Variants in CRPPA observed in about 807,000 individuals in gnomAD.
CRPPA encodes CDP-L-ribitol pyrophosphorylase A.
In CRPPA, 43 loss-of-function variants were observed where a neutral mutation model predicts 52.0. The observed-to-expected ratio is 0.83, with a 90% CI of 0.65 to 1.07. The LOEUF is 1.07. CRPPA is among the 50% of genes least tolerant of loss of function. CRPPA has a pLI of 0.00. For synonymous variants in CRPPA, 250 were observed against 203.5 expected (o/e 1.23, Z -1.94); for missense variants, 629 against 551.7 (o/e 1.14, Z -1.40).
intron 3 of CRPPA, among the ~76,000 whole-genome samples, chr7:16,332,453 T>C (rs889183271): frequency 2.6e-5 from 4 of 152,172 alleles, no homozygotes; most frequent in Admixed American, 6.5e-5. Context: ...TTCTTAAATG[T>C]GTACATATAC....
At chr7:16,285,748 C>T (rs77725873) in intron 5 of CRPPA, among the ~76,000 whole-genome samples, 11,104 of 151,558 alleles carry the variant, frequency 0.073, 648 homozygotes, top group African/African-American at 0.16. Context: ...GTTGGCCAGG[C>T]GCGGTAGCTC....
chr7:16,324,759 T>G (rs1785342510), intron 3 of CRPPA, among the ~76,000 whole-genome samples: 1 of 152,248 alleles, frequency 6.6e-6, no homozygotes, highest in African/African-American at 2.4e-5. Flanking sequence ...AAACCAGAAT[T>G]ATCTCAATAG....
chr7:16,268,348 GA>G (rs1287698561), intron 6 of CRPPA, among the ~76,000 whole-genome samples: 20 of 152,010 alleles, frequency 1.3e-4, no homozygotes, highest in Admixed American at 6.6e-4. Context: ...GTAATCCCAA[GA>G]AAATCATGCA....
chr7:16,107,820 A>C (rs1230931432), intron 9 of CRPPA, among the ~76,000 whole-genome samples: 6 of 152,120 alleles, frequency 3.9e-5, no homozygotes, highest in Non-Finnish European at 8.8e-5. Context: ...TGTCAGGGAT[A>C]CATATTATAC....
At chr7:16,187,354 A>G (rs2128389416) in intron 9 of CRPPA, among the ~76,000 whole-genome samples, 1 of 152,306 alleles carries the variant, frequency 6.6e-6, no homozygotes, top group East Asian at 1.9e-4. Flanking sequence ...ATATTTCTGA[A>G]TTGTGTAACA....
chr7:16,196,353 G>A (rs1435641598), intron 9 of CRPPA, among the ~76,000 whole-genome samples: 1 of 152,124 alleles, frequency 6.6e-6, no homozygotes, highest in Non-Finnish European at 1.5e-5. Context: ...TTATACAAAA[G>A]TGCCTGGTGC....
intron 9 of CRPPA, among the ~76,000 whole-genome samples, chr7:16,116,675 A>AAGGAAAAGAAAGGGAAGGGAAG (rs6150004): frequency 1.7e-4 from 16 of 96,620 alleles, no homozygotes; most frequent in African/African-American, 5.6e-4. Flanking sequence ...AAAAAAAAAA[A>AAGGAAAAGAAAGGGAAGGGAAG]GGAAAGGAAA....
At chr7:16,417,877 G>A (rs770029430) in intron 1 of CRPPA, among the ~76,000 whole-genome samples, 1 of 152,074 alleles carries the variant, frequency 6.6e-6, no homozygotes, top group Non-Finnish European at 1.5e-5. Flanking sequence ...TAACCTAAAT[G>A]ATTGACAGTG....
At chr7:16,111,437 T>A (rs1455774995) in intron 9 of CRPPA, among the ~76,000 whole-genome samples, 1 of 152,190 alleles carries the variant, frequency 6.6e-6, no homozygotes, top group East Asian at 1.9e-4. Flanking sequence ...CCAAAAGATT[T>A]AAAATCAGTT....
intron 9 of CRPPA, among the ~76,000 whole-genome samples, chr7:16,160,648 C>T (rs1467464229): frequency 6.6e-6 from 1 of 152,124 alleles, no homozygotes; most frequent in East Asian, 1.9e-4. Context: ...GCTACACGAG[C>T]TCTTTTTTGG....
At chr7:16,314,890 C>G (rs986750796) in intron 3 of CRPPA, among the ~76,000 whole-genome samples, 3 of 151,916 alleles carry the variant, frequency 2.0e-5, no homozygotes, top group Non-Finnish European at 2.9e-5. Context: ...GTCTGGTATT[C>G]CTGAAGCTTC....
intron 9 of CRPPA, among the ~76,000 whole-genome samples, chr7:16,127,268 G>C (rs1192223169): frequency 1.3e-5 from 2 of 152,064 alleles, no homozygotes; most frequent in Admixed American, 6.6e-5. Context: ...TTTATCAAGA[G>C]TTTCCCTTAA....
intron 5 of CRPPA, among the ~76,000 whole-genome samples, chr7:16,294,128 G>C (rs1357371569): frequency 6.6e-6 from 1 of 151,784 alleles, no homozygotes; most frequent in African/African-American, 2.4e-5. Context: ...AGTTAGTTGA[G>C]AGAAAAGTTA....
chr7:16,333,428 C>T (rs573829712), intron 3 of CRPPA, among the ~76,000 whole-genome samples: 1 of 152,114 alleles, frequency 6.6e-6, no homozygotes, highest in Non-Finnish European at 1.5e-5. Context: ...GATAGCTTAA[C>T]ATTCCTGAAA....
chr7:16,247,646 A>G (rs1462694479), intron 8 of CRPPA, among the ~76,000 whole-genome samples: 1 of 152,160 alleles, frequency 6.6e-6, no homozygotes, highest in Non-Finnish European at 1.5e-5. Flanking sequence ...ACACTGTGGG[A>G]AAAATGGTAC....
intron 9 of CRPPA, among the ~76,000 whole-genome samples, chr7:16,181,187 T>C (rs1206583381): frequency 6.6e-6 from 1 of 151,928 alleles, no homozygotes; most frequent in Non-Finnish European, 1.5e-5. Flanking sequence ...GATTAAATAA[T>C]TTTTATTTTA....
intron 9 of CRPPA, among the ~76,000 whole-genome samples, chr7:16,100,033 C>T (rs1782011021): frequency 6.6e-6 from 1 of 152,146 alleles, no homozygotes; most frequent in Admixed American, 6.5e-5. Flanking sequence ...AAATAGCCAC[C>T]TTCACTCTAT....
chr7:16,282,725 A>G (rs1272083804), intron 5 of CRPPA, among the ~76,000 whole-genome samples: 2 of 152,130 alleles, frequency 1.3e-5, no homozygotes, highest in African/African-American at 4.8e-5. Flanking sequence ...AGCAAAACAT[A>G]AGGATGTAGA....
chr7:16,097,974 C>T (rs1781968350), intron 9 of CRPPA, among the ~76,000 whole-genome samples: 4 of 152,184 alleles, frequency 2.6e-5, no homozygotes, highest in African/African-American at 7.2e-5. Flanking sequence ...TCAATTTTCT[C>T]AAAGGATAAC....
Sources: gnomAD v4.1 joint callset for allele counts (sites outside exome capture counted in the v4.1 genomes callset) on GRCh38, gnomAD v4.1.1 for gene constraint, MANE v1.5 for transcripts, NCBI Gene and HGNC (gene_info 2026-07-23, HGNC 2026-07-21) for gene names.